ABCA13: variants seen among roughly 807,000 people sequenced by gnomAD.
ABCA13 encodes ATP binding cassette subfamily A member 13.
Under a neutral mutation model 478.7 loss-of-function variants are expected in ABCA13, and 476 were observed. The ratio of observed to expected loss-of-function variants is 0.99; its 90% confidence interval spans 0.92 to 1.07. ABCA13 has a LOEUF of 1.07. ABCA13 is among the 50% of genes least tolerant of loss of function. ABCA13 has a pLI of 0.00. For synonymous variants in ABCA13, 2,252 were observed against 2,158.9 expected (o/e 1.04, Z -1.20); for missense variants, 6,060 against 5,910.6 (o/e 1.03, Z -0.83).
rs371618384 is a variant in ABCA13 at position 48,387,910 on chromosome 7, C to T, written c.11424C>T (p.Tyr3808=). 121 of 1,612,756 alleles carry T rather than the reference C, an allele frequency of 7.5e-5. No individual in the cohort carries two copies. The highest frequency in any genetic ancestry group is 9.8e-5 in the Non-Finnish European group (116 of 1,179,410). The part of the protein sequence containing the change: ...SVGFLVEKRQ[Y]FLSSSLFFFN... Reference sequence around the variant, plus strand: ...GTTTCTTGGTGGAGAAAAGGCAATACTTTCTAAGTTCTAGTCTGTTCTTCT... The same window carrying T: ...GTTTCTTGGTGGAGAAAAGGCAATATTTTCTAAGTTCTAGTCTGTTCTTCT... The change falls in exon 36 of 62, where the codon TAC becomes TAT. Residue 3808 remains tyrosine (Y), a synonymous_variant. Transcript: ENST00000435803.
chr7:48,597,924 A>G (rs998661372), intron 58 of ABCA13, among the ~76,000 whole-genome samples: 36 of 152,298 alleles, frequency 2.4e-4, no homozygotes, highest in African/African-American at 8.4e-4. Flanking sequence ...TACATTTATT[A>G]AAATTGATGA....
intron 33 of ABCA13, among the ~76,000 whole-genome samples, chr7:48,372,799 G>GA (rs1326701615): frequency 1.3e-5 from 2 of 152,038 alleles, no homozygotes; most frequent in Non-Finnish European, 2.9e-5. Flanking sequence ...TTCATGCACA[G>GA]AAAAAAGCTA....
At chr7:48,203,076 C>T (rs1799045602) in intron 3 of ABCA13, among the ~76,000 whole-genome samples, 1 of 152,222 alleles carries the variant, frequency 6.6e-6, no homozygotes, top group African/African-American at 2.4e-5. Context: ...CAGCTAAGGC[C>T]CGGCGAGAAA....
rs781322186 is a variant in ABCA13 at position 48,274,304 on chromosome 7, T to C, written c.4638T>C (p.His1546=). The change falls in exon 17 of 62, where the codon CAT becomes CAC. Residue 1546 remains histidine (H), a synonymous_variant. Transcript: ENST00000435803. ...ATCAGTTTCAAAATATTTGGCTTCATTTAATAACACTGGGGAAGGAATTTC... is the reference window on the plus strand; with the variant it reads ...ATCAGTTTCAAAATATTTGGCTTCACTTAATAACACTGGGGAAGGAATTTC... ...IPNQFQNIWL[H]LITLGKEFQK... is the part of the protein sequence containing the mutation. 51 of 1,613,348 alleles carry C rather than the reference T, an allele frequency of 3.2e-5. No individual in the cohort carries two copies. Among genetic ancestry groups the C allele is most frequent in the Non-Finnish European group, 4.3e-5 (51 of 1,179,690 alleles).
chr7:48,632,113 C>T (rs1794219621), intron 59 of ABCA13, among the ~76,000 whole-genome samples: 1 of 152,180 alleles, frequency 6.6e-6, no homozygotes, highest in Admixed American at 6.6e-5. Context: ...CATTGGCAAA[C>T]AGAGATAGAT....
intron 5 of ABCA13, among the ~76,000 whole-genome samples, chr7:48,224,260 G>A (rs1272415857): frequency 1.3e-5 from 2 of 152,162 alleles, no homozygotes; most frequent in Non-Finnish European, 2.9e-5. Context: ...AGAGGGCAGG[G>A]GAGCTAACAA....
intron 15 of ABCA13, among the ~76,000 whole-genome samples, chr7:48,256,436 C>T (rs1299028639): frequency 6.6e-6 from 1 of 152,110 alleles, no homozygotes; most frequent in Admixed American, 6.6e-5. Flanking sequence ...TTAGGTTTAA[C>T]ATTTAAATCT....
Position 48,576,045 on chromosome 7 carries a change from A to G in ABCA13, c.14355-4179A>G, listed in dbSNP as rs140893198. On this transcript the variant is annotated intron_variant, in intron 55 of 61. Coordinates refer to ENST00000435803, the MANE Select transcript of ABCA13 (RefSeq NM_152701.5). ...ACAGCATAACCACCGTTTATATAGC[A>G]TTTACATTGCATTAGGTATTATAAG... Among the ~76,000 whole-genome samples the G allele has an allele frequency of 2.6e-4, 39 of 152,310 alleles. 1 individual carries two copies. In the East Asian group the frequency reaches 7.5e-3, roughly 29 times the overall value.
chr7:48,314,508 C>T (rs1802259312), intron 26 of ABCA13, 99 bp downstream of exon 26: 1 of 1,128,842 alleles, frequency 8.9e-7, no homozygotes, highest in Admixed American at 3.0e-5. Context: ...TATAAGGTTG[C>T]TATATACTGG....
At chr7:48,333,839 G>A (rs1805793851) in intron 27 of ABCA13, among the ~76,000 whole-genome samples, 1 of 152,194 alleles carries the variant, frequency 6.6e-6, no homozygotes, top group South Asian at 2.1e-4. Context: ...CTGCTGTGGG[G>A]CAGCCAGTGT....
Position 48,466,652 on chromosome 7 carries a change from T to C in ABCA13, c.12816-304T>C, listed in dbSNP as rs367562511. On this transcript the variant is annotated intron_variant, in intron 43 of 61. Coordinates refer to ENST00000435803, the MANE Select transcript of ABCA13 (RefSeq NM_152701.5). ...AATTTGTTTTTAAAAACCATGTAAA[T>C]ATGTGAAAAATGGTGGTGTTATATT... Among the ~76,000 whole-genome samples, 4 of 152,268 alleles carry C rather than the reference T, an allele frequency of 2.6e-5. No individual in the cohort carries two copies. The South Asian group carries it at 8.3e-4, about 32-fold the overall frequency.
intron 55 of ABCA13, among the ~76,000 whole-genome samples, chr7:48,561,142 C>G (rs1786415824): frequency 6.6e-6 from 1 of 151,718 alleles, no homozygotes; most frequent in Non-Finnish European, 1.5e-5. Context: ...TTTATCCATC[C>G]CTTGATGGAC....
intron 49 of ABCA13, among the ~76,000 whole-genome samples, chr7:48,506,911 C>T (rs1831263640): frequency 6.6e-6 from 1 of 152,072 alleles, no homozygotes; most frequent in South Asian, 2.1e-4. Flanking sequence ...TCCCCCATCT[C>T]CCTTCTCTAT....
Position 48,455,225 on chromosome 7 carries a change from G to A in ABCA13, c.12754G>A (p.Glu4252Lys), listed in dbSNP as rs1563285633. The A allele has an allele frequency of 1.2e-6, 2 of 1,602,866 alleles. No homozygotes were observed. The highest frequency in any genetic ancestry group is 1.7e-6 in the Non-Finnish European group (2 of 1,175,104). ...GLFMVRPLAT[E>K]YPPLRLTPGH... ...GTTCATGGTGAGACCCCTGGCCACC[G>A]AGTACCCTCCCCTCAGACTCACACC... Residue 4252 changes from glutamate (E) to lysine (K), a missense_variant, in exon 43 of 62, where the codon GAG (glutamate) becomes AAG (lysine). Around this residue, in one of 3 missense-constraint regions of ABCA13, gnomAD observed 1,627 missense variants for 1,571.0 expected, o/e 1.04. Transcript: ENST00000435803.
chr7:48,198,462 G>C, intron 3 of ABCA13, 102 bp downstream of exon 3: 1 of 1,330,536 alleles, frequency 7.5e-7, no homozygotes, highest in Non-Finnish European at 1.0e-6. Flanking sequence ...ATAGGTCAGA[G>C]ATCATGAGAA....
rs185246122 is a variant in ABCA13, at chr7:48,287,493, G to A, written c.8837-467G>A. Among the ~76,000 whole-genome samples, 200 of 152,308 alleles carry A rather than the reference G, an allele frequency of 1.3e-3. 1 individual carries two copies. The highest frequency in any genetic ancestry group is 4.7e-3 in the African/African-American group (195 of 41,570). Reference sequence around the variant, plus strand: ...TTGGCTGTGAGGACCAGGGGGAGGAGAGTCATGACTGGCTTCCAGGAAGTG... The same window carrying A: ...TTGGCTGTGAGGACCAGGGGGAGGAAAGTCATGACTGGCTTCCAGGAAGTG... On this transcript the variant is annotated intron_variant, in intron 19 of 61. Transcript: ENST00000435803.
At chr7:48,328,364 T>G (rs1804650925) in intron 27 of ABCA13, among the ~76,000 whole-genome samples, 1 of 152,184 alleles carries the variant, frequency 6.6e-6, no homozygotes, top group African/African-American at 2.4e-5. Flanking sequence ...TGTCCGTGGT[T>G]TGGTGAGGCT....
intron 1 of ABCA13, among the ~76,000 whole-genome samples, chr7:48,177,729 C>T (rs1283078404): frequency 2.6e-5 from 4 of 152,172 alleles, no homozygotes; most frequent in East Asian, 1.9e-4. Context: ...CCTGATAACT[C>T]GAAGCTCCCA....
chr7:48,371,475 TCTC>T (rs1429251029), intron 32 of ABCA13, among the ~76,000 whole-genome samples: 2 of 152,186 alleles, frequency 1.3e-5, no homozygotes, highest in Non-Finnish European at 2.9e-5. Context: ...GGTTTGTAGT[TCTC>T]CTTGTAGAGG....
Sources: gnomAD v4.1 joint callset for allele counts (sites outside exome capture counted in the v4.1 genomes callset) on GRCh38, gnomAD v4.1.1 for gene constraint, gnomAD v4.1.1 regional missense constraint, MANE v1.5 for transcripts, NCBI Gene and HGNC (gene_info 2026-07-23, HGNC 2026-07-21) for gene names.